Variants in SH3PXD2A observed in about 807,000 individuals in gnomAD.
SH3PXD2A encodes the protein SH3 and PX domain-containing protein 2A.
A neutral mutation model predicts 115.2 loss-of-function variants in SH3PXD2A; 32 were observed. The observed-to-expected ratio is 0.28, with a 90% CI of 0.21 to 0.37. The LOEUF (loss-of-function observed/expected upper bound fraction) is 0.37. Among genes scored for constraint, SH3PXD2A ranks in the 10% least tolerant of loss-of-function variants. The pLI is 1.00. For synonymous variants in SH3PXD2A, 610 were observed against 629.1 expected (o/e 0.97, Z 0.45); for missense variants, 1,328 against 1,498.7 (o/e 0.89, Z 1.88).
intron 5 of SH3PXD2A, among the ~76,000 whole-genome samples, chr10:103,704,233 C>T (rs1024617544): frequency 2.8e-4 from 43 of 152,214 alleles, no homozygotes; most frequent in African/African-American, 1.0e-3. Context: ...AAGGAGGGCA[C>T]TGAGAGAAGG....
intron 5 of SH3PXD2A, among the ~76,000 whole-genome samples, chr10:103,711,675 G>A (rs866627030): frequency 2.0e-5 from 3 of 152,184 alleles, no homozygotes; most frequent in Middle Eastern, 3.2e-3. Context: ...CAGTCCCTGG[G>A]AACAGGCATG....
chr10:103,629,250 T>G (rs1357525810), intron 8 of SH3PXD2A, among the ~76,000 whole-genome samples: 1 of 152,222 alleles, frequency 6.6e-6, no homozygotes, highest in East Asian at 1.9e-4. Flanking sequence ...CTGAAGTCAC[T>G]GAGCAGCTCG....
chr10:103,645,080 C>A (rs899160064), intron 8 of SH3PXD2A, among the ~76,000 whole-genome samples: 1 of 152,218 alleles, frequency 6.6e-6, no homozygotes, highest in Non-Finnish European at 1.5e-5. Context: ...CCCCTGCCAG[C>A]CAGCGTTCTG....
At position 103,601,514 on chromosome 10, in the gene SH3PXD2A, A is replaced by G. The variant is rs2036213839; in HGVS notation, c.*302T>C. On this transcript the variant is annotated 3_prime_UTR_variant, in exon 15 of 15. Transcript: ENST00000369774. ...CATGGCCTGTCCCAGATGGCATGTA[A>G]TCCATTGGTGAAGTCCCTATGGTGC... The G allele has an allele frequency of 4.0e-6, 1 of 250,750 alleles. No individual in the cohort carries two copies. Among genetic ancestry groups the G allele is most frequent in the African/African-American group, 2.2e-5 (1 of 45,410 alleles). 15.5% of individuals were successfully genotyped at this position (250,750 alleles called of 1,614,324 possible). A position where few individuals can be genotyped will look rare whatever the true frequency, so the allele number is the denominator to read the frequency against.
At chr10:103,686,111 G>A (rs2037674008) in intron 6 of SH3PXD2A, among the ~76,000 whole-genome samples, 1 of 152,194 alleles carries the variant, frequency 6.6e-6, no homozygotes, top group Non-Finnish European at 1.5e-5. Context: ...TGATCACTGA[G>A]ATAGAAGTGG....
chr10:103,636,148 C>T (rs2036860418), intron 8 of SH3PXD2A, among the ~76,000 whole-genome samples: 1 of 152,164 alleles, frequency 6.6e-6, no homozygotes, highest in South Asian at 2.1e-4. Context: ...GTGGCTCAGG[C>T]CTGTAATCCC....
At chr10:103,692,965 G>T in intron 6 of SH3PXD2A, 63 bp downstream of exon 6, 1 of 1,354,782 alleles carries the variant, frequency 7.4e-7, no homozygotes, top group Non-Finnish European at 1.1e-6. Context: ...CTGCAGGATC[G>T]GAGGGGCGCG....
At chr10:103,704,351 T>A (rs555557175) in intron 5 of SH3PXD2A, among the ~76,000 whole-genome samples, 1 of 152,036 alleles carries the variant, frequency 6.6e-6, no homozygotes, top group South Asian at 2.1e-4. Flanking sequence ...GCTTGGGGTG[T>A]CTGTACAGAG....
chr10:103,843,942 A>T (rs985231342), intron 1 of SH3PXD2A, among the ~76,000 whole-genome samples: 1 of 151,720 alleles, frequency 6.6e-6, no homozygotes, highest in African/African-American at 2.4e-5. Context: ...TCTAAAATGG[A>T]CTCCACCCAT....
At chr10:103,612,164 A>G (rs2036438198) in intron 12 of SH3PXD2A, among the ~76,000 whole-genome samples, 1 of 152,246 alleles carries the variant, frequency 6.6e-6, no homozygotes. Flanking sequence ...AGGTTCCTAT[A>G]ACATGGAAGT....
chr10:103,629,528 G>C (rs982296688), intron 8 of SH3PXD2A, among the ~76,000 whole-genome samples: 2 of 152,214 alleles, frequency 1.3e-5, no homozygotes, highest in Admixed American at 1.3e-4. Context: ...CAGTGGGCAA[G>C]GGATGCCCAC....
At position 103,600,631 on chromosome 10, in the gene SH3PXD2A, C is replaced by T. The variant is rs935406711; in HGVS notation, c.*1185G>A. ...TCTCCAAAAGTCTGGCTCCTGAACA[C>T]CCTCCTCCTTCCTGGGGAGGGTTTT... On this transcript the variant is annotated 3_prime_UTR_variant, in exon 15 of 15. Coordinates refer to ENST00000369774, the MANE Select transcript of SH3PXD2A (RefSeq NM_001394015.1). The T allele has an allele frequency of 6.6e-5, 10 of 152,218 alleles. No homozygotes were observed. Among genetic ancestry groups the T allele is most frequent in the African/African-American group, 2.2e-4 (9 of 41,452 alleles). The allele number at this position is 152,218 out of a possible 1,614,324, so 9.4% of individuals were successfully genotyped here. A position where few individuals can be genotyped will look rare whatever the true frequency, so the allele number is the denominator to read the frequency against.
intron 2 of SH3PXD2A, among the ~76,000 whole-genome samples, chr10:103,782,039 G>T (rs899654996): frequency 1.3e-5 from 2 of 152,188 alleles, no homozygotes; most frequent in African/African-American, 4.8e-5. Flanking sequence ...TGCTGCAACA[G>T]GGCTCCTCAC....
intron 7 of SH3PXD2A, among the ~76,000 whole-genome samples, chr10:103,664,846 AT>A (rs200689539): frequency 0.045 from 6,864 of 151,478 alleles, 503 homozygotes; most frequent in African/African-American, 0.16. Flanking sequence ...TTTTTTTTGT[AT>A]TTTTTAGTAG....
At chr10:103,684,424 T>C (rs1000022506) in intron 6 of SH3PXD2A, among the ~76,000 whole-genome samples, 1 of 151,780 alleles carries the variant, frequency 6.6e-6, no homozygotes, top group African/African-American at 2.4e-5. Flanking sequence ...AGTGGCACCA[T>C]CTTGGCTCAC....
intron 5 of SH3PXD2A, among the ~76,000 whole-genome samples, chr10:103,714,915 G>A (rs2134161163): frequency 6.6e-6 from 1 of 152,340 alleles, no homozygotes; most frequent in East Asian, 1.9e-4. Context: ...CAATCCCCCA[G>A]GAGAGACAGG....
At chr10:103,841,616 G>A (rs1441098651) in intron 1 of SH3PXD2A, among the ~76,000 whole-genome samples, 5 of 152,074 alleles carry the variant, frequency 3.3e-5, no homozygotes, top group Non-Finnish European at 5.9e-5. Flanking sequence ...AAGGCTCAAC[G>A]TGACCCTTTT....
intron 3 of SH3PXD2A, among the ~76,000 whole-genome samples, chr10:103,744,531 C>A (rs2038479591): frequency 6.6e-6 from 1 of 152,186 alleles, no homozygotes; most frequent in Admixed American, 6.5e-5. Flanking sequence ...CTGCAGGTCA[C>A]CTCTTCCCCT....
At chr10:103,816,931 A>G (rs1398934674) in intron 1 of SH3PXD2A, among the ~76,000 whole-genome samples, 2 of 151,658 alleles carry the variant, frequency 1.3e-5, no homozygotes, top group Non-Finnish European at 2.9e-5. Flanking sequence ...CCCTGGTTCA[A>G]GCAATTCCTC....
Sources: allele counts gnomAD v4.1 joint callset (sites outside exome capture counted in the v4.1 genomes callset), GRCh38; gene constraint gnomAD v4.1.1; transcripts MANE v1.5; gene names NCBI Gene and HGNC (gene_info 2026-07-23, HGNC 2026-07-21).